The following TOR1AIP1 variants were observed in gnomAD, a reference collection of about 807,000 sequenced individuals.
TOR1AIP1 encodes torsin-1A-interacting protein 1.
In TOR1AIP1, 54 loss-of-function variants were observed where a neutral mutation model predicts 63.3. The ratio of observed to expected loss-of-function variants is 0.85; its 90% CI spans 0.69 to 1.07. TOR1AIP1 has a LOEUF of 1.07. Ranked by LOEUF, TOR1AIP1 falls within the 50% of genes least tolerant of loss-of-function variation. The pLI is 0.00. For missense variants in TOR1AIP1, 736 were observed against 715.0 expected (o/e 1.03, Z -0.33); for synonymous variants, 294 against 273.5 (o/e 1.07, Z -0.74).
At chr1:179,883,036 G>T (rs1186727201) in intron 1 of TOR1AIP1, 59 bp downstream of exon 1, 12 of 1,505,770 alleles carry the variant, frequency 8.0e-6, no homozygotes, top group Non-Finnish European at 1.1e-5. Context: ...GGGGGCGGGC[G>T]CGCGCCTCGG....
intron 3 of TOR1AIP1, 35 bp downstream of exon 3, chr1:179,889,404 T>C (rs1254717845): frequency 6.5e-5 from 100 of 1,540,570 alleles, no homozygotes; most frequent in Non-Finnish European, 8.2e-5. Flanking sequence ...TTACCTTTGT[T>C]ATAAATACAG....
chr1:179,891,818 G>A (rs543103624), intron 3 of TOR1AIP1, among the ~76,000 whole-genome samples: 3 of 152,150 alleles, frequency 2.0e-5, no homozygotes, highest in East Asian at 1.9e-4. Flanking sequence ...CACCTGCCTC[G>A]GCCTCCCAGA....
intron 3 of TOR1AIP1, among the ~76,000 whole-genome samples, chr1:179,893,661 G>C (rs1648177570): frequency 6.6e-6 from 1 of 152,014 alleles, no homozygotes; most frequent in Admixed American, 6.5e-5. Flanking sequence ...GGTTGGTCCT[G>C]AACTCCTGAC....
intron 3 of TOR1AIP1, among the ~76,000 whole-genome samples, chr1:179,893,481 C>T (rs6680290): frequency 0.34 from 50,904 of 151,798 alleles, 8,810 homozygotes; most frequent in African/African-American, 0.38. Flanking sequence ...CAATCTGTCA[C>T]CCACGCTGGA....
At chr1:179,891,199 TA>T (rs1171469206) in intron 3 of TOR1AIP1, among the ~76,000 whole-genome samples, 1 of 150,480 alleles carries the variant, frequency 6.6e-6, no homozygotes, top group Non-Finnish European at 1.5e-5. Flanking sequence ...ACTTACCAAT[TA>T]AGGTTTTTCT....
Position 179,917,626 on chromosome 1 carries a change from A to G in TOR1AIP1, c.1139A>G (p.Gln380Arg). The part of the protein sequence containing the change: ...NQMNQLKNKY[Q>R]GQDEKLWKRS... Reference sequence around the variant, plus strand: ...ATGAATCAACTTAAGAATAAGTACCAAGGTCAAGATGAGAAGCTGTGGAAA... The same window carrying G: ...ATGAATCAACTTAAGAATAAGTACCGAGGTCAAGATGAGAAGCTGTGGAAA... The change falls in exon 10 of 10, where the codon CAA (glutamine) becomes CGA (arginine). Residue 380 changes from glutamine to arginine, a missense_variant. This residue lies in a region of TOR1AIP1 where 272 missense variants were observed against 344.1 expected (regional missense o/e 0.79). Transcript: ENST00000606911. The G allele has an allele frequency of 6.2e-7, 1 of 1,614,200 alleles. No homozygotes were observed.
intron 3 of TOR1AIP1, among the ~76,000 whole-genome samples, chr1:179,889,890 T>C (rs1182284446): frequency 6.6e-6 from 1 of 152,144 alleles, no homozygotes; most frequent in African/African-American, 2.4e-5. Flanking sequence ...GGGTAAGTGA[T>C]CCACCCACCT....
chr1:179,900,358 A>G, intron 4 of TOR1AIP1, 191 bp downstream of exon 4: 3 of 415,748 alleles, frequency 7.2e-6, no homozygotes, highest in Non-Finnish European at 9.0e-6. Flanking sequence ...TCTGTAGTGC[A>G]CTATGCCGAT....
At chr1:179,915,610 T>C (rs1390761618) in intron 9 of TOR1AIP1, among the ~76,000 whole-genome samples, 1 of 152,118 alleles carries the variant, frequency 6.6e-6, no homozygotes, top group Non-Finnish European at 1.5e-5. Context: ...ACAAAAACAT[T>C]AGCTGGGAAT....
chr1:179,913,412 A>G (rs1418350218), intron 8 of TOR1AIP1, among the ~76,000 whole-genome samples: 2 of 152,194 alleles, frequency 1.3e-5, no homozygotes, highest in Non-Finnish European at 2.9e-5. Flanking sequence ...AAGTTTTTAA[A>G]TGTGATTTTA....
chr1:179,911,984 TTTTTTTTTTTCTTTTTTCTTTTTTTTC>T (rs1288154982), intron 8 of TOR1AIP1, among the ~76,000 whole-genome samples: 17 of 99,160 alleles, frequency 1.7e-4, no homozygotes, highest in African/African-American at 4.3e-4. Context: ...TCTTTTTTTC[TTTTTTTTTTTCTTTTTTCTTTTTTTTC>T]TTTTTTTTTT....
At chr1:179,913,455 C>T in intron 8 of TOR1AIP1, 36 of 615,086 alleles carry the variant, frequency 5.9e-5, no homozygotes, top group Middle Eastern at 2.6e-4. Context: ...GGTCAGAATC[C>T]CCAGAGGAAA....
intron 9 of TOR1AIP1, among the ~76,000 whole-genome samples, chr1:179,916,797 G>A (rs1012320429): frequency 1.7e-4 from 22 of 130,974 alleles, no homozygotes; most frequent in African/African-American, 5.1e-4. Flanking sequence ...TCCGCCTCCC[G>A]TGTTCAAGTG....
At chr1:179,899,498 G>A (rs967684574) in intron 3 of TOR1AIP1, among the ~76,000 whole-genome samples, 17 of 152,110 alleles carry the variant, frequency 1.1e-4, no homozygotes, top group Non-Finnish European at 2.1e-4. Flanking sequence ...AGGGAGTATA[G>A]GGGATTTGGC....
intron 6 of TOR1AIP1, among the ~76,000 whole-genome samples, chr1:179,906,185 C>T (rs368759103): frequency 3.3e-5 from 5 of 152,194 alleles, no homozygotes; most frequent in African/African-American, 7.2e-5. Context: ...AATATTAAAA[C>T]GTATGTATCC....
rs537204281 is a variant in TOR1AIP1, at chr1:179,882,707, G to T, written c.205G>T (p.Asp69Tyr). 3.1e-6 allele frequency: 5 copies of T among 1,612,990 alleles called. No individual in the cohort carries two copies. In the African/African-American group the frequency reaches 5.3e-5, roughly 17 times the overall value. Residue 69 changes from aspartate to tyrosine, a missense_variant, in exon 1 of 10, where the codon GAC becomes TAC. Asp to Tyr is a radical substitution (Grantham distance 160). Transcript: ENST00000606911. ...FSDEPPEVYG[D>Y]FEPLVAKERS... ...GGACGAGCCGCCAGAAGTGTACGGCGACTTCGAGCCCCTGGTGGCCAAAGA... is the reference window on the plus strand; with the variant it reads ...GGACGAGCCGCCAGAAGTGTACGGCTACTTCGAGCCCCTGGTGGCCAAAGA...
At chr1:179,907,772 T>C in intron 6 of TOR1AIP1, 51 bp from the exon 7 acceptor site, 2 of 1,445,962 alleles carry the variant, frequency 1.4e-6, no homozygotes, top group Non-Finnish European at 1.9e-6. Flanking sequence ...AACATCTTTT[T>C]TGTTGTTATT....
intron 3 of TOR1AIP1, among the ~76,000 whole-genome samples, chr1:179,896,732 T>G (rs981784462): frequency 1.3e-5 from 2 of 152,162 alleles, no homozygotes; most frequent in African/African-American, 2.4e-5. Context: ...TGCTTTATAA[T>G]AGACATTTTA....
chr1:179,916,775 C>T (rs1003506072), intron 9 of TOR1AIP1, among the ~76,000 whole-genome samples: 13 of 137,500 alleles, frequency 9.5e-5, no homozygotes, highest in Non-Finnish European at 1.4e-4. Context: ...GTGATCTCGG[C>T]TCACTGCAAC....
Sources: allele counts gnomAD v4.1 joint callset (sites outside exome capture counted in the v4.1 genomes callset), GRCh38; gene constraint gnomAD v4.1.1; regional missense constraint gnomAD v4.1.1; transcripts MANE v1.5; gene names NCBI Gene and HGNC (gene_info 2026-07-23, HGNC 2026-07-21).